SSU72: variants seen among roughly 807,000 people sequenced by gnomAD.
The protein encoded by SSU72 is RNA polymerase II subunit A C-terminal domain phosphatase SSU72.
SSU72 carries 12 observed loss-of-function variants against 22.7 expected under a neutral mutation model. That is an observed-to-expected ratio of 0.53 (90% CI 0.34 to 0.86). The LOEUF is 0.86. Among genes scored for constraint, SSU72 ranks in the 40% least tolerant of loss-of-function variants. SSU72 has a pLI of 0.02. For missense variants in SSU72, 151 were observed against 249.8 expected (o/e 0.60, Z 2.67); for synonymous variants, 116 against 98.3 (o/e 1.18, Z -1.06).
At chr1:1,557,864 G>A (rs1642540213) in intron 2 of SSU72, among the ~76,000 whole-genome samples, 1 of 152,156 alleles carries the variant, frequency 6.6e-6, no homozygotes, top group Non-Finnish European at 1.5e-5. Context: ...GCCACACACA[G>A]AAGTTAACCT....
Position 1,544,116 on chromosome 1 carries a change from T to G in SSU72, c.365-129A>C, listed in dbSNP as rs983560354. 6.0e-6 allele frequency: 4 copies of G among 670,990 alleles called. No homozygotes were observed. The African/African-American group carries it at 7.3e-5, about 12-fold the overall frequency. The allele number at this position is 670,990 out of a possible 1,614,324, so 41.6% of individuals were successfully genotyped here. On this transcript the variant is annotated intron_variant, in intron 3 of 4. Transcript: ENST00000291386. ...CCCCAGTGGTTTCTGGACTCTGCAG[T>G]TTGGGGAGCACAATGAATGAGCCTC... is the stretch of plus-strand genomic sequence containing the variant.
chr1:1,546,488 A>C (rs1000515570), intron 2 of SSU72: 2 of 152,226 alleles, frequency 1.3e-5, no homozygotes, highest in Non-Finnish European at 2.9e-5. Context: ...TGAGAATCAA[A>C]GTCTGCGGAA....
chr1:1,573,676 G>T (rs1570403994), intron 1 of SSU72, among the ~76,000 whole-genome samples: 1 of 152,134 alleles, frequency 6.6e-6, no homozygotes, highest in Non-Finnish European at 1.5e-5. Flanking sequence ...AGTTGCTCAG[G>T]AAAGTTATAG....
intron 1 of SSU72, among the ~76,000 whole-genome samples, chr1:1,565,131 CGGATCATGAAGGCA>C (rs1642643655): frequency 6.6e-6 from 1 of 151,548 alleles, no homozygotes; most frequent in Non-Finnish European, 1.5e-5. Context: ...TGAAGGCAGG[CGGATCATGAAGGCA>C]GGCGGATCAT....
intron 2 of SSU72, among the ~76,000 whole-genome samples, chr1:1,558,571 C>G (rs777062641): frequency 6.6e-6 from 1 of 152,190 alleles, no homozygotes; most frequent in Non-Finnish European, 1.5e-5. Context: ...TAGAGCTACA[C>G]GTTTACTTGC....
chr1:1,565,281 G>A (rs1455288642), intron 1 of SSU72, among the ~76,000 whole-genome samples: 1 of 152,180 alleles, frequency 6.6e-6, no homozygotes, highest in Non-Finnish European at 1.5e-5. Context: ...GCTGAGGCAG[G>A]AGAATGGCGT....
intron 1 of SSU72, among the ~76,000 whole-genome samples, chr1:1,567,403 A>G (rs1290073880): frequency 2.0e-5 from 3 of 152,226 alleles, no homozygotes; most frequent in Non-Finnish European, 4.4e-5. Flanking sequence ...GCAGCGATTC[A>G]TGACTACAAA....
chr1:1,548,695 C>T (rs192794907), intron 2 of SSU72, among the ~76,000 whole-genome samples: 2 of 152,328 alleles, frequency 1.3e-5, no homozygotes, highest in South Asian at 2.1e-4. Flanking sequence ...ACATGGACCG[C>T]GGTGAGGAAG....
At position 1,554,854 on chromosome 1, in the gene SSU72, C is replaced by T. The variant is rs1039031331; in HGVS notation, c.225-9852G>A. Among the ~76,000 whole-genome samples, 1 of 152,158 alleles carries T rather than the reference C, an allele frequency of 6.6e-6. No homozygotes were observed. Among genetic ancestry groups the T allele is most frequent in the African/African-American group, 2.4e-5 (1 of 41,440 alleles). ...CTGCTGCCGGCGCCAGCCCCACGTA[C>T]CCCCGACCACCTCAGCTCCTGGCCC... On this transcript the variant is annotated intron_variant, in intron 2 of 4. Transcript: ENST00000291386. The surrounding 1 kb of genome is among the most constrained non-coding windows in gnomAD (Gnocchi z 4.1).
At chr1:1,550,834 C>T (rs534194071) in intron 2 of SSU72, among the ~76,000 whole-genome samples, 10 of 152,312 alleles carry the variant, frequency 6.6e-5, no homozygotes, top group Admixed American at 6.5e-4. Flanking sequence ...CCACCACTCA[C>T]TCCACTGAAC....
intron 2 of SSU72, among the ~76,000 whole-genome samples, chr1:1,553,650 G>C (rs1642481687): frequency 6.6e-6 from 1 of 151,582 alleles, no homozygotes; most frequent in African/African-American, 2.4e-5. Flanking sequence ...AATTAGCCGG[G>C]CATGGTGGCA....
chr1:1,561,862 G>A (rs1464580806), intron 2 of SSU72: 2 of 152,194 alleles, frequency 1.3e-5, no homozygotes, highest in African/African-American at 2.4e-5. Context: ...TTTCCCACAC[G>A]AGGTCCCCAA....
At chr1:1,564,389 C>T (rs1026876450) in intron 2 of SSU72, 25 of 1,277,838 alleles carry the variant, frequency 2.0e-5, no homozygotes, top group African/African-American at 7.5e-5. Flanking sequence ...GTATCAGGCA[C>T]GCACGCACAC....
At chr1:1,546,962 G>A (rs111509594) in intron 2 of SSU72, among the ~76,000 whole-genome samples, 18,675 of 150,654 alleles carry the variant, frequency 0.12, 3,885 homozygotes, top group African/African-American at 0.43. Flanking sequence ...CCTGGGAGGC[G>A]GAGCTTGCAG....
chr1:1,569,994 C>T (rs374853632), intron 1 of SSU72, among the ~76,000 whole-genome samples: 16 of 152,168 alleles, frequency 1.1e-4, no homozygotes, highest in Middle Eastern at 3.4e-3. Flanking sequence ...TCATTTTTAA[C>T]GCCTAAAAGA....
chr1:1,566,467 G>A (rs1642662331), intron 1 of SSU72, among the ~76,000 whole-genome samples: 2 of 152,178 alleles, frequency 1.3e-5, no homozygotes, highest in Non-Finnish European at 2.9e-5. Context: ...TCCTCTTACA[G>A]GCCTGTCATT....
intron 1 of SSU72, 65 bp downstream of exon 1, chr1:1,574,413 A>AGGAGGGAGGG: frequency 1.3e-6 from 2 of 1,506,866 alleles, no homozygotes; most frequent in Non-Finnish European, 1.8e-6. Context: ...GCCAGGGGGA[A>AGGAGGGAGGG]CCGGGGAGGA....
chr1:1,558,186 G>GT (rs1007893346), intron 2 of SSU72, among the ~76,000 whole-genome samples: 14 of 140,966 alleles, frequency 9.9e-5, no homozygotes, highest in Non-Finnish European at 1.8e-4. Context: ...GGGCAACAGA[G>GT]TGAGACTCTG....
At chr1:1,549,970 T>C (rs1477649638) in intron 2 of SSU72, among the ~76,000 whole-genome samples, 3 of 133,094 alleles carry the variant, frequency 2.3e-5, no homozygotes, top group South Asian at 2.6e-4. Flanking sequence ...CGAGACTCTG[T>C]CTCAAAAAAA....
Sources: allele counts gnomAD v4.1 joint callset (sites outside exome capture counted in the v4.1 genomes callset), GRCh38; gene constraint gnomAD v4.1.1; non-coding constraint Gnocchi (gnomAD v3.1); transcripts MANE v1.5; gene names NCBI Gene and HGNC (gene_info 2026-07-23, HGNC 2026-07-21).